The following MARK2 variants were observed in gnomAD, a reference collection of about 807,000 sequenced individuals.
MARK2 encodes the protein serine/threonine-protein kinase MARK2.
Under a neutral mutation model 89.8 loss-of-function variants are expected in MARK2, and 16 were observed. The ratio of observed to expected loss-of-function variants is 0.18; its 90% CI spans 0.12 to 0.27. The LOEUF is 0.27. Ranked by LOEUF, MARK2 falls within the 10% of genes least tolerant of loss-of-function variation. MARK2 has a pLI of 1.00. For missense variants in MARK2, 621 were observed against 1,049.9 expected (o/e 0.59, Z 5.65); for synonymous variants, 382 against 399.5 (o/e 0.96, Z 0.52).
chr11:63,848,954 G>A (rs1025421070), intron 1 of MARK2, among the ~76,000 whole-genome samples: 5 of 151,654 alleles, frequency 3.3e-5, no homozygotes, highest in South Asian at 4.2e-4. Flanking sequence ...TGATCCGCCC[G>A]CCTCGGCTTC....
At chr11:63,880,606 CAGAG>C (rs1185357410) in intron 1 of MARK2, among the ~76,000 whole-genome samples, 1 of 152,136 alleles carries the variant, frequency 6.6e-6, no homozygotes, top group East Asian at 1.9e-4. Context: ...TGTAGAGAGG[CAGAG>C]AGAACTGTAT....
In MARK2 at chr11:63,909,076, A is replaced by C; in HGVS notation, c.2206A>C (p.Met736Leu). The change falls in exon 19 of 19, where the codon ATG becomes CTG. Residue 736 changes from methionine (M) to leucine (L), a missense_variant. By Grantham distance (15) the Met-to-Leu change is conservative (BLOSUM62 2). This residue lies in a region of MARK2 where 49 missense variants were observed against 46.7 expected (regional missense o/e 1.05). Transcript: ENST00000402010. ...GCATGAGAAGTACATGCTGCTGTGCATGCACGGCACGCCGGGCCACGAGGA... is the reference window on the plus strand; with the variant it reads ...GCATGAGAAGTACATGCTGCTGTGCCTGCACGGCACGCCGGGCCACGAGGA... ...ELHEKYMLLC[M>L]HGTPGHEDFV... is the part of the protein sequence containing the mutation. 6.2e-7 allele frequency: 1 copy of C among 1,613,540 alleles called. No individual in the cohort carries two copies. Among genetic ancestry groups the C allele is most frequent in the Non-Finnish European group, 8.5e-7 (1 of 1,179,584 alleles).
chr11:63,849,611 G>A (rs780260477), intron 1 of MARK2, among the ~76,000 whole-genome samples: 2 of 152,128 alleles, frequency 1.3e-5, no homozygotes, highest in Admixed American at 6.5e-5. Flanking sequence ...AAATTAGCCC[G>A]GTGTGGTGTT....
intron 1 of MARK2, among the ~76,000 whole-genome samples, chr11:63,848,103 A>G (rs1377576589): frequency 1.3e-5 from 2 of 152,212 alleles, no homozygotes; most frequent in South Asian, 2.1e-4. Context: ...ACTTCCTGCA[A>G]TAGCACTAGG....
At chr11:63,854,059 G>A (rs1436631958) in intron 1 of MARK2, among the ~76,000 whole-genome samples, 1 of 148,808 alleles carries the variant, frequency 6.7e-6, no homozygotes, top group African/African-American at 2.5e-5. Flanking sequence ...TTTTAGTAGA[G>A]ACAGGGTTTC....
intron 4 of MARK2, 147 bp from the exon 5 acceptor site, chr11:63,898,461 G>C (rs780132934): frequency 1.0e-4 from 92 of 884,264 alleles, no homozygotes; most frequent in Middle Eastern, 2.2e-4. Context: ...TTAGCAGTTT[G>C]GCTGGCATGA....
In MARK2 at chr11:63,902,671, G is replaced by A. The variant is rs1411242764; in HGVS notation, c.1305G>A (p.Lys435=). 1 of 1,614,146 alleles carries A rather than the reference G, an allele frequency of 6.2e-7. No individual in the cohort carries two copies. The highest frequency in any genetic ancestry group is 1.7e-5 in the Admixed American group (1 of 60,022). ...CTCAGAGTAACAACGCAGAAAATAA[G>A]CGGCCTGAGGAGGACCGGGAGTCAG... ...KKTQSNNAEN[K]RPEEDRESGR... Residue 435 remains lysine, a synonymous_variant, in exon 13 of 19, where the codon AAG becomes AAA. Coordinates refer to ENST00000402010, the MANE Select transcript of MARK2 (RefSeq NM_001039469.3). The surrounding 1 kb of genome is among the most constrained non-coding windows in gnomAD (Gnocchi z 4.2).
At chr11:63,893,523 T>G (rs1239297325) in intron 1 of MARK2, among the ~76,000 whole-genome samples, 1 of 151,904 alleles carries the variant, frequency 6.6e-6, no homozygotes, top group Non-Finnish European at 1.5e-5. Context: ...TGGTTACAGG[T>G]TTTTTGTGGA....
At chr11:63,870,152 A>G (rs932422891) in intron 1 of MARK2, among the ~76,000 whole-genome samples, 3 of 152,326 alleles carry the variant, frequency 2.0e-5, no homozygotes, top group South Asian at 2.1e-4. Context: ...GCAGGCCCCA[A>G]TTCTGCACAC....
At chr11:63,882,859 AG>A (rs372745621) in intron 1 of MARK2, among the ~76,000 whole-genome samples, 111 of 152,326 alleles carry the variant, frequency 7.3e-4, no homozygotes, top group African/African-American at 2.5e-3. Flanking sequence ...AAACGAGGTT[AG>A]GAGGAAGCCC....
rs559012687 is a variant in MARK2, at chr11:63,890,215, C to T, written c.55-4944C>T. 11 of 1,341,314 alleles carry T rather than the reference C, an allele frequency of 8.2e-6. No individual in the cohort carries two copies. In the South Asian group the frequency reaches 1.2e-4, roughly 14 times the overall value. 83.1% of individuals were successfully genotyped at this position (1,341,314 alleles called of 1,614,324 possible). On this transcript the variant is annotated intron_variant, in intron 1 of 18. Coordinates refer to ENST00000402010, the MANE Select transcript of MARK2 (RefSeq NM_001039469.3). The stretch of plus-strand genomic sequence containing the variant: ...TTTCCCTTTTTCTTTTCTCTGCTTC[C>T]TTCCAGTGGCTTGCCTCCTTACCCT...
intron 1 of MARK2, among the ~76,000 whole-genome samples, chr11:63,854,888 A>G (rs6421686): frequency 0.49 from 74,156 of 151,680 alleles, 20,513 homozygotes; most frequent in East Asian, 0.89. Flanking sequence ...CTGTATGCCA[A>G]ACTTGAGGAA....
chr11:63,898,622 G>A lies in MARK2; in HGVS notation c.352G>A (p.Val118Met). ...NHPNIVKLFE[V>M]IETEKTLYLV... ...TTCTCTTGTAGTTAAATTATTTGAA[G>A]TGATTGAGACTGAGAAAACGCTCTA... Residue 118 changes from valine (V) to methionine (M), a missense_variant, in exon 5 of 19, where the codon GTG (valine) becomes ATG (methionine). Coordinates refer to ENST00000402010, the MANE Select transcript of MARK2 (RefSeq NM_001039469.3). 6.2e-7 allele frequency: 1 copy of A among 1,613,914 alleles called. No individual in the cohort carries two copies. The highest frequency in any genetic ancestry group is 8.5e-7 in the Non-Finnish European group (1 of 1,179,750).
In MARK2 at chr11:63,903,872, C is replaced by A; in HGVS notation, c.1515-114C>A. 1.2e-6 allele frequency: 1 copy of A among 835,508 alleles called. No individual in the cohort carries two copies. The highest frequency in any genetic ancestry group is 1.7e-5 in the African/African-American group (1 of 58,248). The allele number at this position is 835,508 out of a possible 1,614,324, so 51.8% of individuals were successfully genotyped here. On this transcript the variant is annotated intron_variant, in intron 14 of 18. Coordinates refer to ENST00000402010, the MANE Select transcript of MARK2 (RefSeq NM_001039469.3). The surrounding 1 kb of genome is among the most constrained non-coding windows in gnomAD (Gnocchi z 5.1). ...TCCCGCTGCTGCCCAGGCCTGACTT[C>A]TACCCTGCCAGAGCTCCCCAGCTCT...
At chr11:63,857,852 T>C (rs2016945940) in intron 1 of MARK2, among the ~76,000 whole-genome samples, 1 of 152,134 alleles carries the variant, frequency 6.6e-6, no homozygotes, top group Non-Finnish European at 1.5e-5. Context: ...TTTTATTTTT[T>C]TATTTTTTGA....
At chr11:63,881,257 A>G (rs1939071195) in intron 1 of MARK2, among the ~76,000 whole-genome samples, 1 of 152,090 alleles carries the variant, frequency 6.6e-6, no homozygotes, top group Non-Finnish European at 1.5e-5. Flanking sequence ...GTCAGCCGAG[A>G]TCACGCCACT....
In MARK2 at chr11:63,902,119, G is replaced by T. The variant is rs1743242559; in HGVS notation, c.1102-79G>T. ...GGTGTTTGAGTGTTGGGAGAGGGCGGTATGTGTAAATGTGTCCATCCATAG... is the reference window on the plus strand; with the variant it reads ...GGTGTTTGAGTGTTGGGAGAGGGCGTTATGTGTAAATGTGTCCATCCATAG... On this transcript the variant is annotated intron_variant, in intron 11 of 18. Coordinates refer to ENST00000402010, the MANE Select transcript of MARK2 (RefSeq NM_001039469.3). The surrounding 1 kb of genome is among the most constrained non-coding windows in gnomAD (Gnocchi z 4.2). 1.3e-5 allele frequency: 19 copies of T among 1,507,110 alleles called. No individual in the cohort carries two copies. In the South Asian group the frequency reaches 2.1e-4, roughly 17 times the overall value. 93.4% of individuals were successfully genotyped at this position (1,507,110 alleles called of 1,614,324 possible).
At chr11:63,845,688 G>A (rs533278006) in intron 1 of MARK2, among the ~76,000 whole-genome samples, 2 of 152,108 alleles carry the variant, frequency 1.3e-5, no homozygotes, top group South Asian at 2.1e-4. Context: ...ACTGCCACCC[G>A]CCCCCTTCCT....
intron 1 of MARK2, among the ~76,000 whole-genome samples, chr11:63,885,734 T>C (rs1226809520): frequency 6.6e-6 from 1 of 151,690 alleles, no homozygotes; most frequent in East Asian, 1.9e-4. Context: ...TTTGGGAGGC[T>C]CAGGCAGGAG....
Sources: gnomAD v4.1 joint callset for allele counts (sites outside exome capture counted in the v4.1 genomes callset) on GRCh38, gnomAD v4.1.1 for gene constraint, gnomAD v4.1.1 regional missense constraint, Gnocchi (gnomAD v3.1) non-coding constraint, MANE v1.5 for transcripts, NCBI Gene and HGNC (gene_info 2026-07-23, HGNC 2026-07-21) for gene names.